SETD7: variants seen among roughly 807,000 people sequenced by gnomAD.
SETD7 encodes the protein histone-lysine N-methyltransferase SETD7.
Under a neutral mutation model 41.8 loss-of-function variants are expected in SETD7, and 16 were observed. The observed-to-expected ratio is 0.38, with a 90% CI of 0.26 to 0.58. The LOEUF is 0.58. SETD7 is among the 20% of genes least tolerant of loss of function. SETD7 has a pLI of 0.64. For synonymous variants in SETD7, 163 were observed against 169.7 expected (o/e 0.96, Z 0.31); for missense variants, 346 against 459.7 (o/e 0.75, Z 2.26).
At chr4:139,496,644 ATCT>A (rs1374264334) in intron 7 of SETD7, 2 of 609,974 alleles carry the variant, frequency 3.3e-6, no homozygotes, top group Non-Finnish European at 5.8e-6. Context: ...ATTTTTCTAA[ATCT>A]TCTCCATCCT....
At chr4:139,520,219 G>A (rs562762416) in intron 6 of SETD7, 58 bp downstream of exon 6, 21 of 872,994 alleles carry the variant, frequency 2.4e-5, no homozygotes, top group Non-Finnish European at 3.0e-5. Context: ...AAGGGATTTT[G>A]TTTGAAGCAA....
intron 1 of SETD7, chr4:139,548,103 T>C (rs1728012385): frequency 6.6e-6 from 1 of 152,172 alleles, no homozygotes; most frequent in Admixed American, 6.5e-5. Context: ...CTACTGGCTT[T>C]TTCTTGGGGT....
intron 7 of SETD7, among the ~76,000 whole-genome samples, chr4:139,498,720 T>C (rs956765884): frequency 2.0e-5 from 3 of 152,288 alleles, no homozygotes; most frequent in Admixed American, 2.0e-4. Flanking sequence ...AGGCTGCCTA[T>C]AGACCCCAAG....
downstream of SETD7, among the ~76,000 whole-genome samples, chr4:139,493,861 C>CT (rs1726401695): frequency 6.6e-6 from 1 of 152,178 alleles, no homozygotes; most frequent in Non-Finnish European, 1.5e-5. Flanking sequence ...TTACATTACT[C>CT]TGATTACTTT....
intron 2 of SETD7, among the ~76,000 whole-genome samples, chr4:139,541,795 G>A (rs932185948): frequency 2.6e-5 from 4 of 152,142 alleles, no homozygotes; most frequent in African/African-American, 4.8e-5. Flanking sequence ...ATGAAGAAAA[G>A]ACTAAATATT....
chr4:139,501,562 T>G (rs1422624422), downstream of SETD7, among the ~76,000 whole-genome samples: 1 of 151,814 alleles, frequency 6.6e-6, no homozygotes, highest in Non-Finnish European at 1.5e-5. Context: ...AAAAAACCAC[T>G]TGTACCCCAA....
intron 2 of SETD7, among the ~76,000 whole-genome samples, chr4:139,545,157 A>G (rs1995103): frequency 0.53 from 81,247 of 151,900 alleles, 22,617 homozygotes; most frequent in African/African-American, 0.71. Context: ...ATAGGTTAAA[A>G]GAGTCATAGG....
rs1346760995 is a variant in SETD7, at chr4:139,511,221, A to T, written c.*442T>A. On this transcript the variant is annotated 3_prime_UTR_variant, in exon 8 of 8. Coordinates refer to ENST00000274031, the MANE Select transcript of SETD7 (RefSeq NM_030648.4). ...ATTATACTACATTTAGAGAATAAAG[A>T]TGTAGTAATTGTCAACCCTTAATAC... 3 of 180,612 alleles carry T rather than the reference A, an allele frequency of 1.7e-5. No homozygotes were observed. The highest frequency in any genetic ancestry group is 7.2e-5 in the African/African-American group (3 of 41,620). The allele number at this position is 180,612 out of a possible 1,614,324, so 11.2% of individuals were successfully genotyped here. A position where few individuals can be genotyped will look rare whatever the true frequency, so the allele number is the denominator to read the frequency against.
chr4:139,520,329 C>T lies in SETD7; in HGVS notation c.710G>A (p.Gly237Glu), dbSNP rs1727145433. 3 of 1,611,106 alleles carry T rather than the reference C, an allele frequency of 1.9e-6. No individual in the cohort carries two copies. The highest frequency in any genetic ancestry group is 1.1e-5 in the South Asian group (1 of 90,472). ...GEGLFSKVAVGPNTVMSFYNG... is the reference protein window; with the variant it reads ...GEGLFSKVAVEPNTVMSFYNG... ...ATAAAAAGACATAACAGTATTAGGT[C>T]CCACAGCTACCTTTGAAAAAAGTCC... is the stretch of plus-strand genomic sequence containing the variant. The change falls in exon 6 of 8, where the codon GGA (glycine) becomes GAA (glutamate). Residue 237 changes from glycine (G) to glutamate (E), a missense_variant. Coordinates refer to ENST00000274031, the MANE Select transcript of SETD7 (RefSeq NM_030648.4).
chr4:139,555,990 G>A lies in SETD7; in HGVS notation c.40+108C>T. 1.7e-6 allele frequency: 2 copies of A among 1,170,300 alleles called. No homozygotes were observed. Among genetic ancestry groups the A allele is most frequent in the South Asian group, 1.6e-5 (1 of 61,398 alleles). 72.5% of individuals were successfully genotyped at this position (1,170,300 alleles called of 1,614,324 possible). A position where few individuals can be genotyped will look rare whatever the true frequency, so the allele number is the denominator to read the frequency against. On this transcript the variant is annotated intron_variant, in intron 1 of 7. Transcript: ENST00000274031. This position sits in a 1 kb window ranked among gnomAD's most constrained non-coding sequence, Gnocchi z 4.0. ...CGGGCAACCGGCCACCCGTGTAGGG[G>A]ACAGTGGCGGCCGCGGGGCCCGGCG...
At position 139,498,905 on chromosome 4, in the gene SETD7, G is replaced by A. The variant is rs1432880217; in HGVS notation, c.921-2384C>T. Among the ~76,000 whole-genome samples the A allele has an allele frequency of 3.3e-5, 5 of 152,340 alleles. No individual in the cohort carries two copies. In the South Asian group the frequency reaches 8.3e-4, roughly 25 times the overall value. On this transcript the variant is annotated intron_variant, in intron 7 of 7. Coordinates refer to the SETD7 transcript ENST00000506866. Reference sequence around the variant, plus strand: ...GTGGGCGGATCTCTTGAGGCCAGGAGTTGGAGACCAGCCTGGCCAACATGG... The same window carrying A: ...GTGGGCGGATCTCTTGAGGCCAGGAATTGGAGACCAGCCTGGCCAACATGG...
rs1728239203 is a variant in SETD7 at position 139,555,476 on chromosome 4, G to A, written c.40+622C>T. Among the ~76,000 whole-genome samples the A allele has an allele frequency of 6.6e-6, 1 of 152,068 alleles. No individual in the cohort carries two copies. The highest frequency in any genetic ancestry group is 2.1e-4 in the South Asian group (1 of 4,824). On this transcript the variant is annotated intron_variant, in intron 1 of 7. Transcript: ENST00000274031. The surrounding 1 kb of genome is among the most constrained non-coding windows in gnomAD (Gnocchi z 4.0). ...GGGGAGGGCTGCCCGCCTCCCGGAC[G>A]GCGCACGTTCGAGTCCCGGGTCGGG...
At position 139,547,064 on chromosome 4, in the gene SETD7, C is replaced by G. The variant is rs1414273593; in HGVS notation, c.41-15G>C. 10 of 1,613,610 alleles carry G rather than the reference C, an allele frequency of 6.2e-6. No homozygotes were observed. The East Asian group carries it at 1.1e-4, about 18-fold the overall frequency. ...GTCCAGGTGCCCTGGAGAAAGGGAA[C>G]CACAAGGCAAACCTTAACATCTTCA... On this transcript the variant is annotated splice_polypyrimidine_tract_variant and intron_variant, in intron 1 of 7. Transcript: ENST00000274031.
In SETD7 at chr4:139,513,296, T is replaced by C. The variant is rs572936454; in HGVS notation, c.921-1453A>G. ...TTAGCTGGGTGTGGTGGCGCACACC[T>C]GTAATCCCAGCTACTTGGGAGGCTG... On this transcript the variant is annotated intron_variant, in intron 7 of 7. Coordinates refer to ENST00000274031, the MANE Select transcript of SETD7 (RefSeq NM_030648.4). Among the ~76,000 whole-genome samples, 3 of 151,970 alleles carry C rather than the reference T, an allele frequency of 2.0e-5. No homozygotes were observed. The South Asian group carries it at 6.2e-4, about 32-fold the overall frequency.
chr4:139,516,323 A>C (rs1406562559), intron 7 of SETD7, among the ~76,000 whole-genome samples: 1 of 152,072 alleles, frequency 6.6e-6, no homozygotes. Context: ...ACAATTAGCC[A>C]TGCATAATGG....
chr4:139,533,947 TTAAGTA>T (rs1727563021), intron 2 of SETD7, among the ~76,000 whole-genome samples: 1 of 151,998 alleles, frequency 6.6e-6, no homozygotes, highest in Non-Finnish European at 1.5e-5. Context: ...GGGGATTTAT[TTAAGTA>T]TATCTATATA....
chr4:139,541,400 T>A (rs1489398159), intron 2 of SETD7, among the ~76,000 whole-genome samples: 1 of 152,216 alleles, frequency 6.6e-6, no homozygotes, highest in Non-Finnish European at 1.5e-5. Context: ...TGTATCAAAG[T>A]ATTTTGAACA....
intron 5 of SETD7, among the ~76,000 whole-genome samples, chr4:139,522,248 TGA>T (rs1165534709): frequency 6.6e-5 from 10 of 152,154 alleles, no homozygotes; most frequent in African/African-American, 1.9e-4. Flanking sequence ...GAACAGAAAC[TGA>T]ATGGGAGGTA....
At chr4:139,551,517 GA>G (rs150064820) in intron 1 of SETD7, among the ~76,000 whole-genome samples, 3,044 of 152,248 alleles carry the variant, frequency 0.02, 38 homozygotes, top group Non-Finnish European at 0.029. Flanking sequence ...GCTTCTTCCT[GA>G]ATCTGATAAG....
Sources: allele counts gnomAD v4.1 joint callset (sites outside exome capture counted in the v4.1 genomes callset), GRCh38; gene constraint gnomAD v4.1.1; non-coding constraint Gnocchi (gnomAD v3.1); transcripts MANE v1.5; gene names NCBI Gene and HGNC (gene_info 2026-07-23, HGNC 2026-07-21).